Variants in LIN52 observed in about 807,000 individuals in gnomAD.
The protein encoded by LIN52 is protein lin-52 homolog.
Under a neutral mutation model 18.5 loss-of-function variants are expected in LIN52, and 4 were observed. The ratio of observed to expected loss-of-function variants is 0.22; its 90% CI spans 0.11 to 0.49. The LOEUF (loss-of-function observed/expected upper bound fraction) is 0.49. LIN52 is among the 20% of genes least tolerant of loss of function. The pLI, the probability that LIN52 is intolerant of heterozygous loss-of-function variation, is 0.97. For missense variants in LIN52, 102 were observed against 139.5 expected (o/e 0.73, Z 1.35); for synonymous variants, 34 against 45.5 (o/e 0.75, Z 1.02).
Position 74,157,032 on chromosome 14 carries a change from T to C in LIN52, c.284-41890T>C, listed in dbSNP as rs536863856. Among the ~76,000 whole-genome samples the C allele has an allele frequency of 1.2e-4, 8 of 67,192 alleles. No homozygotes were observed. In the South Asian group the frequency reaches 2.5e-3, roughly 21 times the overall value. The allele number at this position is 67,192 out of a possible 152,430, so 44.1% of individuals were successfully genotyped here. ...TTATGTATGTATACCATATTTTCTTTTTCTTTTTTTTTTTTTTGAGACAGA... is the reference window on the plus strand; with the variant it reads ...TTATGTATGTATACCATATTTTCTTCTTCTTTTTTTTTTTTTTGAGACAGA... On this transcript the variant is annotated intron_variant, in intron 5 of 5. Transcript: ENST00000555028.
intron 5 of LIN52, among the ~76,000 whole-genome samples, chr14:74,105,208 C>T (rs2060889433): frequency 6.6e-6 from 1 of 151,942 alleles, no homozygotes; most frequent in African/African-American, 2.4e-5. Flanking sequence ...CAATTAAAGC[C>T]ATTATTACTG....
intron 5 of LIN52, among the ~76,000 whole-genome samples, chr14:74,176,939 C>T (rs2061296818): frequency 6.6e-6 from 1 of 151,962 alleles, no homozygotes; most frequent in African/African-American, 2.4e-5. Context: ...AATAATATTC[C>T]ATTACATGGA....
chr14:74,182,584 A>G (rs2061323016), intron 5 of LIN52, among the ~76,000 whole-genome samples: 1 of 152,146 alleles, frequency 6.6e-6, no homozygotes, highest in Non-Finnish European at 1.5e-5. Flanking sequence ...TAGCGAGGTC[A>G]TCATTTACAT....
intron 5 of LIN52, among the ~76,000 whole-genome samples, chr14:74,117,715 C>T (rs1413459832): frequency 2.0e-5 from 3 of 152,054 alleles, no homozygotes; most frequent in Non-Finnish European, 4.4e-5. Flanking sequence ...AATGTAGTGC[C>T]CGTTTCTTTA....
At chr14:74,127,190 A>G (rs1002173932) in intron 5 of LIN52, among the ~76,000 whole-genome samples, 9 of 152,254 alleles carry the variant, frequency 5.9e-5, no homozygotes, top group African/African-American at 2.2e-4. Flanking sequence ...TCCTGCTGTC[A>G]TAAAGCTAAC....
At chr14:74,195,572 G>GTT (rs1290431019) in intron 5 of LIN52, among the ~76,000 whole-genome samples, 1 of 151,588 alleles carries the variant, frequency 6.6e-6, no homozygotes, top group Non-Finnish European at 1.5e-5. Flanking sequence ...GTGTGTGTGT[G>GTT]TGTGCGCGTG....
Position 74,178,190 on chromosome 14 carries a change from C to A in LIN52, c.284-20732C>A, listed in dbSNP as rs1595187797. ...AAATGCTGAATAGATTTCTGGCATA[C>A]AGAAATTAATTTTTATATTCACATT... On this transcript the variant is annotated intron_variant, in intron 5 of 5. Transcript: ENST00000555028. 2.0e-5 allele frequency among the ~76,000 whole-genome samples: 3 copies of A among 152,202 alleles called. No homozygotes were observed. In the East Asian group the frequency reaches 5.8e-4, roughly 29 times the overall value.
At chr14:74,092,557 C>T (rs958969051) in intron 2 of LIN52, among the ~76,000 whole-genome samples, 5 of 151,806 alleles carry the variant, frequency 3.3e-5, no homozygotes, top group African/African-American at 1.2e-4. Context: ...CCACCCACCT[C>T]GGCCTCCCAG....
intron 5 of LIN52, among the ~76,000 whole-genome samples, chr14:74,176,601 A>G (rs1217953441): frequency 1.3e-5 from 2 of 152,206 alleles, no homozygotes; most frequent in African/African-American, 4.8e-5. Context: ...CCACAAACAC[A>G]TGAGTAATGC....
intron 5 of LIN52, among the ~76,000 whole-genome samples, chr14:74,135,990 C>A (rs1031379088): frequency 3.9e-5 from 6 of 152,130 alleles, no homozygotes; most frequent in Admixed American, 3.3e-4. Flanking sequence ...TTCTCCTTTT[C>A]TTTTTCAGTC....
intron 5 of LIN52, among the ~76,000 whole-genome samples, chr14:74,112,011 A>G (rs1231804170): frequency 1.3e-5 from 2 of 151,730 alleles, no homozygotes; most frequent in Non-Finnish European, 2.9e-5. Context: ...CTCCCGAGTA[A>G]CTGGGATTAC....
At chr14:74,144,793 A>G (rs951200143) in intron 5 of LIN52, among the ~76,000 whole-genome samples, 6 of 152,234 alleles carry the variant, frequency 3.9e-5, no homozygotes, top group Admixed American at 3.3e-4. Context: ...AGAAGTAAGT[A>G]AAGTATTCTC....
chr14:74,123,183 G>A (rs1044960016), intron 5 of LIN52, among the ~76,000 whole-genome samples: 1 of 152,212 alleles, frequency 6.6e-6, no homozygotes, highest in Non-Finnish European at 1.5e-5. Flanking sequence ...ATGGTAGAAG[G>A]TAGATTGGTG....
At chr14:74,195,578 G>A (rs1007619478) in intron 5 of LIN52, among the ~76,000 whole-genome samples, 6 of 152,028 alleles carry the variant, frequency 3.9e-5, no homozygotes, top group East Asian at 1.9e-4. Flanking sequence ...GTGTGTGTGC[G>A]CGTGTAGACG....
chr14:74,157,457 A>T (rs115160096), intron 5 of LIN52, among the ~76,000 whole-genome samples: 4,268 of 119,014 alleles, frequency 0.036, 95 homozygotes, highest in East Asian at 0.082. Flanking sequence ...ATATATATAT[A>T]TATTTTTTAA....
At chr14:74,087,799 C>G (rs1250623281) in intron 1 of LIN52, among the ~76,000 whole-genome samples, 1 of 152,126 alleles carries the variant, frequency 6.6e-6, no homozygotes, top group Admixed American at 6.6e-5. Context: ...TCAAATACAG[C>G]CATCTAATTA....
chr14:74,120,923 A>AG (rs1473324595), intron 5 of LIN52, among the ~76,000 whole-genome samples: 1 of 151,852 alleles, frequency 6.6e-6, no homozygotes, highest in Non-Finnish European at 1.5e-5. Context: ...GAAAAAAAAA[A>AG]GTTTCAAGCC....
intron 5 of LIN52, among the ~76,000 whole-genome samples, chr14:74,130,067 C>G (rs2061051954): frequency 6.6e-6 from 1 of 151,932 alleles, no homozygotes; most frequent in Non-Finnish European, 1.5e-5. Context: ...GACCCACTTG[C>G]TATCAGGAGA....
At chr14:74,198,464 A>G (rs374695398) in intron 5 of LIN52, among the ~76,000 whole-genome samples, 256 of 152,352 alleles carry the variant, frequency 1.7e-3, no homozygotes, top group African/African-American at 5.7e-3. Flanking sequence ...TCCAGGGACT[A>G]ACACTGCTGA....
Sources: gnomAD v4.1 joint callset for allele counts (sites outside exome capture counted in the v4.1 genomes callset) on GRCh38, gnomAD v4.1.1 for gene constraint, MANE v1.5 for transcripts, NCBI Gene and HGNC (gene_info 2026-07-23, HGNC 2026-07-21) for gene names.